Variants in CHLSN observed in about 807,000 individuals in gnomAD.
CHLSN encodes the protein cholesin.
chr7:1,030,487 C>G, the CHLSN span, among the ~76,000 whole-genome samples: 9 of 152,188 alleles, frequency 5.9e-5, no homozygotes, highest in Non-Finnish European at 1.3e-4. Flanking sequence ...GCTGAGGACC[C>G]AGGGGCTTCA....
the CHLSN span, chr7:1,091,729 A>G: frequency 7.2e-6 from 11 of 1,525,222 alleles, no homozygotes; most frequent in Non-Finnish European, 9.7e-6. Context: ...GTGCAGAGAC[A>G]TGGATGTGAC....
chr7:1,066,010 C>A, the CHLSN span, among the ~76,000 whole-genome samples: 1 of 152,230 alleles, frequency 6.6e-6, no homozygotes, highest in Non-Finnish European at 1.5e-5. Flanking sequence ...AGGACCAGAG[C>A]GCCTGGACCA....
chr7:978,891 G>A, the CHLSN span, among the ~76,000 whole-genome samples: 5 of 152,238 alleles, frequency 3.3e-5, no homozygotes, highest in Non-Finnish European at 7.3e-5. Context: ...GCTCCACTTC[G>A]GACTGGAGGA....
the CHLSN span, among the ~76,000 whole-genome samples, chr7:1,079,828 C>T: frequency 3.9e-5 from 6 of 152,220 alleles, no homozygotes; most frequent in African/African-American, 1.4e-4. Flanking sequence ...GGAGAAGTGG[C>T]GCCCATGCTT....
At chr7:1,105,947 C>G in the CHLSN span, among the ~76,000 whole-genome samples, 1 of 152,120 alleles carries the variant, frequency 6.6e-6, no homozygotes, top group South Asian at 2.1e-4. Flanking sequence ...GTCAGAAAGA[C>G]GCGTCCATAT....
chr7:1,128,829 CCT>C, the CHLSN span, among the ~76,000 whole-genome samples: 3 of 5,846 alleles, frequency 5.1e-4, no homozygotes, highest in Non-Finnish European at 8.2e-4. Context: ...CTCATCCCAC[CCT>C]GTCACCCGGG....
the CHLSN span, chr7:1,028,647 G>A: frequency 4.3e-6 from 4 of 923,360 alleles, no homozygotes; most frequent in Non-Finnish European, 5.1e-6. Flanking sequence ...GCCTCTGACC[G>A]CCCCCACCCA....
the CHLSN span, among the ~76,000 whole-genome samples, chr7:991,548 T>G: frequency 6.6e-6 from 1 of 152,200 alleles, no homozygotes; most frequent in African/African-American, 2.4e-5. Flanking sequence ...CGGGCAGACC[T>G]GGGTGCCCGT....
chr7:1,117,831 GC>G, the CHLSN span, among the ~76,000 whole-genome samples: 5 of 152,100 alleles, frequency 3.3e-5, no homozygotes, highest in Admixed American at 3.3e-4. Context: ...TCACCCACAC[GC>G]CTTTTTCATT....
chr7:1,108,654 C>A, the CHLSN span, among the ~76,000 whole-genome samples: 1 of 152,204 alleles, frequency 6.6e-6, no homozygotes. Context: ...ATTTTAAGGA[C>A]AAGTGGCTCT....
chr7:997,774 C>T, the CHLSN span: 2 of 1,608,422 alleles, frequency 1.2e-6, no homozygotes, highest in Non-Finnish European at 1.7e-6. Flanking sequence ...TCCAGGTAGG[C>T]CAGCAGGGTG....
At chr7:1,093,162 C>A in the CHLSN span, 1 of 585,680 alleles carries the variant, frequency 1.7e-6, no homozygotes, top group African/African-American at 1.8e-5. Flanking sequence ...CCTGCCGCTG[C>A]ACCTGCCTGC....
chr7:1,044,113 G>A, the CHLSN span, among the ~76,000 whole-genome samples: 1 of 152,230 alleles, frequency 6.6e-6, no homozygotes, highest in African/African-American at 2.4e-5. Flanking sequence ...GGTGACTTTG[G>A]AAACAGCAAG....
At chr7:1,019,248 T>TGAGGGTTTG in the CHLSN span, among the ~76,000 whole-genome samples, 1 of 68,108 alleles carries the variant, frequency 1.5e-5, no homozygotes, top group South Asian at 5.3e-4. Context: ...AGGAAGAGGG[T>TGAGGGTTTG]GAGGGTTTGG....
At chr7:1,112,558 GAACCTGGCAGCTTCCAGCAACGA>G in the CHLSN span, among the ~76,000 whole-genome samples, 1 of 152,198 alleles carries the variant, frequency 6.6e-6, no homozygotes, top group African/African-American at 2.4e-5. Context: ...AAGTCCCACG[GAACCTGGCAGCTTCCAGCAACGA>G]TTGGGCCAAT....
the CHLSN span, chr7:997,789 A>G: frequency 6.2e-7 from 1 of 1,605,466 alleles, no homozygotes; most frequent in African/African-American, 1.3e-5. Flanking sequence ...AGGGTGGAGA[A>G]GTGCTCATCG....
the CHLSN span, among the ~76,000 whole-genome samples, chr7:1,050,067 C>T: frequency 3.3e-5 from 5 of 152,234 alleles, no homozygotes; most frequent in Non-Finnish European, 5.9e-5. Context: ...CCTCAGCGGG[C>T]CCCACTCTGA....
At chr7:987,148 G>C in the CHLSN span, 2 of 1,579,358 alleles carry the variant, frequency 1.3e-6, no homozygotes, top group Non-Finnish European at 1.7e-6. Flanking sequence ...CCAACGCGGT[G>C]GCCTGCACCC....
chr7:1,028,034 C>G, the CHLSN span, among the ~76,000 whole-genome samples: 1 of 151,756 alleles, frequency 6.6e-6, no homozygotes, highest in East Asian at 2.0e-4. Flanking sequence ...GAGGAGGGCG[C>G]GGGACCGTCC....
Sources: gnomAD v4.1 joint callset for allele counts (sites outside exome capture counted in the v4.1 genomes callset) on GRCh38, gnomAD v4.1.1 for gene constraint, MANE v1.5 for transcripts, NCBI Gene and HGNC (gene_info 2026-07-23, HGNC 2026-07-21) for gene names.